TMEM9B: variants seen among roughly 807,000 people sequenced by gnomAD.
The protein encoded by TMEM9B is transmembrane protein 9B.
TMEM9B carries 8 observed loss-of-function variants against 23.5 expected under a neutral mutation model. That is an observed-to-expected ratio of 0.34 (90% CI 0.20 to 0.61). The LOEUF (loss-of-function observed/expected upper bound fraction) is 0.61, where lower values mean the gene tolerates loss of function less well. TMEM9B is among the 20% of genes least tolerant of loss of function. The pLI is 0.78. For synonymous variants in TMEM9B, 106 were observed against 96.3 expected (o/e 1.10, Z -0.59); for missense variants, 197 against 252.3 (o/e 0.78, Z 1.49).
At position 8,951,167 on chromosome 11, in the gene TMEM9B, C is replaced by A. The variant is rs552760765; in HGVS notation, c.441+2036G>T. The stretch of plus-strand genomic sequence containing the variant: ...CATGTTTTCATCTCTACATCCATTT[C>A]TCTTATGTTTTGTGTTATTATATTG... On this transcript the variant is annotated intron_variant, in intron 4 of 4. Coordinates refer to ENST00000534025, the MANE Select transcript of TMEM9B (RefSeq NM_020644.3). 3.8e-4 allele frequency among the ~76,000 whole-genome samples: 58 copies of A among 152,282 alleles called. No individual in the cohort carries two copies. In the South Asian group the frequency reaches 3.9e-3, roughly 10 times the overall value.
intron 4 of TMEM9B, among the ~76,000 whole-genome samples, chr11:8,950,835 CAG>C (rs1366660936): frequency 2.0e-5 from 3 of 151,944 alleles, no homozygotes; most frequent in African/African-American, 4.8e-5. Flanking sequence ...TGAACAAAAA[CAG>C]AAAAAATGAA....
At chr11:8,949,730 G>A (rs1251678223) in intron 4 of TMEM9B, among the ~76,000 whole-genome samples, 2 of 152,080 alleles carry the variant, frequency 1.3e-5, no homozygotes, top group African/African-American at 2.4e-5. Flanking sequence ...TTTTTATAAA[G>A]AATCTTTCCT....
At chr11:8,964,467 G>GCCGGGTCAGATGCAAAAAGCATCCGCC, upstream of TMEM9B, 2 of 1,423,248 alleles carry the variant, frequency 1.4e-6, no homozygotes, top group Non-Finnish European at 1.8e-6. Flanking sequence ...CACCGGGCGC[G>GCCGGGTCAGATGCAAAAAGCATCCGCC]CCGGGTCAGA....
At position 8,948,154 on chromosome 11, in the gene TMEM9B, C is replaced by G; in HGVS notation, c.*166G>C. On this transcript the variant is annotated 3_prime_UTR_variant, in exon 5 of 5. Coordinates refer to ENST00000534025, the MANE Select transcript of TMEM9B (RefSeq NM_020644.3). ...GCTTTTAAAAATGTCTCTATTATTA[C>G]GTTAACAAGAAAAAAAAATCAAGCA... is the stretch of plus-strand genomic sequence containing the variant. 2.6e-6 allele frequency: 2 copies of G among 771,682 alleles called. No homozygotes were observed. The highest frequency in any genetic ancestry group is 4.1e-5 in the South Asian group (2 of 49,162). 47.8% of individuals were successfully genotyped at this position (771,682 alleles called of 1,614,324 possible).
chr11:8,948,020 A>G lies in TMEM9B; in HGVS notation c.*300T>C, dbSNP rs1488380602. 1 of 210,372 alleles carries G rather than the reference A, an allele frequency of 4.8e-6. No homozygotes were observed. The highest frequency in any genetic ancestry group is 9.5e-6 in the Non-Finnish European group (1 of 105,520). 13.0% of individuals were successfully genotyped at this position (210,372 alleles called of 1,614,324 possible). On this transcript the variant is annotated 3_prime_UTR_variant, in exon 5 of 5. Coordinates refer to ENST00000534025, the MANE Select transcript of TMEM9B (RefSeq NM_020644.3). ...AAGTTAAAACTATGTGGTGAAAAAG[A>G]GAGTGCTTGTTCCAGGTAAAGGACT...
chr11:8,964,489 T>A (rs1479502227), upstream of TMEM9B: 1 of 1,415,592 alleles, frequency 7.1e-7, no homozygotes, highest in African/African-American at 1.5e-5. Context: ...GCAAAAAGCA[T>A]CCGCCCCGGA....
rs1291785514 is a variant in TMEM9B at position 8,964,213 on chromosome 11, G to A, written c.101C>T (p.Ala34Val). ...VLLLAQLSDA[A>V]KNFEDVRCKC... is the part of the protein sequence containing the mutation. ...GCGAGGCTGGGCGGGACTCACCTTG[G>A]CGGCGTCTGACAGCTGCGCCAGCAG... Residue 34 changes from alanine to valine, a missense_variant, in exon 1 of 5, where the codon GCC becomes GTC. Transcript: ENST00000534025. 6.3e-7 allele frequency: 1 copy of A among 1,576,862 alleles called. No individual in the cohort carries two copies. The highest frequency in any genetic ancestry group is 1.3e-5 in the African/African-American group (1 of 74,154).
Position 8,964,343 on chromosome 11 carries a change from G to A in TMEM9B, c.-30C>T. The A allele has an allele frequency of 6.5e-7, 1 of 1,543,364 alleles. No individual in the cohort carries two copies. The highest frequency in any genetic ancestry group is 8.7e-7 in the Non-Finnish European group (1 of 1,145,582). ...GGGGGCCCAGCGGTCCCACAGCCCG[G>A]AGCCCCCGCGACCGGCTCCCGGCTC... On this transcript the variant is annotated 5_prime_UTR_variant, in exon 1 of 5. Coordinates refer to ENST00000534025, the MANE Select transcript of TMEM9B (RefSeq NM_020644.3).
chr11:8,957,399 C>T lies in TMEM9B; in HGVS notation c.198-1101G>A, dbSNP rs868668323. 6.6e-6 allele frequency among the ~76,000 whole-genome samples: 1 copy of T among 152,262 alleles called. No individual in the cohort carries two copies. Among genetic ancestry groups the T allele is most frequent in the Admixed American group, 6.5e-5 (1 of 15,290 alleles). On this transcript the variant is annotated intron_variant, in intron 2 of 4. Coordinates refer to ENST00000534025, the MANE Select transcript of TMEM9B (RefSeq NM_020644.3). This position sits in a 1 kb window ranked among gnomAD's most constrained non-coding sequence, Gnocchi z 4.3. ...ATTATTCTCCTCAACTATTAAGAGT[C>T]TATGACTCTGATCACCTTCAGCAAA...
At position 8,953,175 on chromosome 11, in the gene TMEM9B, G is replaced by A. The variant is rs747212991; in HGVS notation, c.441+28C>T. On this transcript the variant is annotated intron_variant, in intron 4 of 4. Transcript: ENST00000534025. ...TCGAATGATGACAGGGACTGGCCAT[G>A]AGCAGCTAGGGCAGGCTGGGAACTT... 3.1e-6 allele frequency: 5 copies of A among 1,613,940 alleles called. No homozygotes were observed. The African/African-American group carries it at 5.3e-5, about 17-fold the overall frequency.
At chr11:8,954,559 G>C (rs2134867475) in intron 3 of TMEM9B, among the ~76,000 whole-genome samples, 2 of 152,226 alleles carry the variant, frequency 1.3e-5, no homozygotes, top group Admixed American at 1.3e-4. Flanking sequence ...AAAGTGCTGG[G>C]ATTATAGATG....
chr11:8,964,134 T>C (rs1281748403), intron 1 of TMEM9B, 75 bp downstream of exon 1: 6 of 1,440,456 alleles, frequency 4.2e-6, no homozygotes, highest in Admixed American at 4.1e-5. Flanking sequence ...AAGGAGCAGG[T>C]TGGCAGACCC....
rs770823034 is a variant in TMEM9B at position 8,948,141 on chromosome 11, G to A, written c.*179C>T. 17 of 639,642 alleles carry A rather than the reference G, an allele frequency of 2.7e-5. No homozygotes were observed. The highest frequency in any genetic ancestry group is 3.8e-5 in the Non-Finnish European group (15 of 394,696). The allele number at this position is 639,642 out of a possible 1,614,324, so 39.6% of individuals were successfully genotyped here. On this transcript the variant is annotated 3_prime_UTR_variant, in exon 5 of 5. Transcript: ENST00000534025. ...CTTTGAGCTGTGTGCTTTTAAAAAT[G>A]TCTCTATTATTACGTTAACAAGAAA...
chr11:8,953,083 C>G, intron 4 of TMEM9B, 120 bp downstream of exon 4: 1 of 1,246,300 alleles, frequency 8.0e-7, no homozygotes, highest in Non-Finnish European at 1.2e-6. Flanking sequence ...TTTTTAGCTT[C>G]TCTAGTTGAG....
At chr11:8,959,511 C>G (rs1854037060) in intron 2 of TMEM9B, among the ~76,000 whole-genome samples, 1 of 152,202 alleles carries the variant, frequency 6.6e-6, no homozygotes, top group African/African-American at 2.4e-5. Context: ...ATTTAGTTTC[C>G]TACTTCAGCT....
intron 4 of TMEM9B, 39 bp from the exon 5 acceptor site, chr11:8,948,514 GTC>G: frequency 6.2e-7 from 1 of 1,602,876 alleles, no homozygotes; most frequent in Non-Finnish European, 8.5e-7. Flanking sequence ...AGATGGCACA[GTC>G]AGTGTAAAAC....
In TMEM9B at chr11:8,947,546, T is replaced by C. The variant is rs1853792026; in HGVS notation, c.*774A>G. The stretch of plus-strand genomic sequence containing the variant: ...TCTTTATTGCAAGTGTCCAAGTCCT[T>C]AGGATTTGTCCTTAAAGGTACTAGA... On this transcript the variant is annotated 3_prime_UTR_variant, in exon 5 of 5. Transcript: ENST00000534025. 1 of 152,616 alleles carries C rather than the reference T, an allele frequency of 6.6e-6. No homozygotes were observed. Among genetic ancestry groups the C allele is most frequent in the South Asian group, 2.1e-4 (1 of 4,824 alleles). The allele number at this position is 152,616 out of a possible 1,614,324, so 9.5% of individuals were successfully genotyped here.
intron 4 of TMEM9B, among the ~76,000 whole-genome samples, chr11:8,950,638 T>C (rs1470632615): frequency 6.6e-6 from 1 of 152,186 alleles, no homozygotes. Flanking sequence ...CAAATAGAGA[T>C]TTACCCTTTT....
At chr11:8,962,000 A>G (rs2163626) in intron 2 of TMEM9B, 92 bp downstream of exon 2, 179,486 of 850,662 alleles carry the variant, frequency 0.21, 21,971 homozygotes, top group East Asian at 0.46. Context: ...AAATACTTAA[A>G]AAGAAAACTA....
Sources: allele counts gnomAD v4.1 joint callset (sites outside exome capture counted in the v4.1 genomes callset), GRCh38; gene constraint gnomAD v4.1.1; non-coding constraint Gnocchi (gnomAD v3.1); transcripts MANE v1.5; gene names NCBI Gene and HGNC (gene_info 2026-07-23, HGNC 2026-07-21).